ESRRB: variants seen among roughly 807,000 people sequenced by gnomAD.
ESRRB encodes the protein steroid hormone receptor ERR2.
Under a neutral mutation model 46.0 loss-of-function variants are expected in ESRRB, and 16 were observed. The observed-to-expected ratio is 0.35, with a 90% confidence interval of 0.24 to 0.53. The LOEUF (loss-of-function observed/expected upper bound fraction) is 0.53, where lower values mean the gene tolerates loss of function less well. Ranked by LOEUF, ESRRB falls within the 20% of genes least tolerant of loss-of-function variation. ESRRB has a pLI of 0.93. For missense variants in ESRRB, 488 were observed against 607.4 expected (o/e 0.80, Z 2.07); for synonymous variants, 246 against 259.6 (o/e 0.95, Z 0.50).
intron 1 of ESRRB, among the ~76,000 whole-genome samples, chr14:76,317,357 T>TGTGTGTG (rs1883814404): frequency 1.4e-5 from 2 of 146,892 alleles, no homozygotes; most frequent in African/African-American, 2.5e-5. Context: ...TGTGTGTGTG[T>TGTGTGTG]TTTAGGGTTT....
chr14:76,338,531 G>C (rs1254150815), intron 1 of ESRRB, among the ~76,000 whole-genome samples: 1 of 152,228 alleles, frequency 6.6e-6, no homozygotes, highest in Non-Finnish European at 1.5e-5. Flanking sequence ...GCCTGTCCCT[G>C]GCAAAGCTGG....
Position 76,482,280 on chromosome 14 carries a change from C to A in ESRRB, c.688+154C>A, listed in dbSNP as rs931916472. ...AGTGCCTGGCACATTTAGAATGTGG[C>A]TCCAAATGAAGCATGGTCCTGACAA... On this transcript the variant is annotated intron_variant, in intron 4 of 6. Transcript: ENST00000644823. This position sits in a 1 kb window ranked among gnomAD's most constrained non-coding sequence, Gnocchi z 4.3. 2.6e-5 allele frequency among the ~76,000 whole-genome samples: 4 copies of A among 152,186 alleles called. No individual in the cohort carries two copies. The highest frequency in any genetic ancestry group is 5.9e-5 in the Non-Finnish European group (4 of 68,038).
intron 6 of ESRRB, among the ~76,000 whole-genome samples, chr14:76,494,532 C>T (rs1890350056): frequency 6.6e-6 from 1 of 152,142 alleles, no homozygotes; most frequent in Admixed American, 6.6e-5. Context: ...GTCTCAAACT[C>T]CCGACCTCAG....
chr14:76,500,965 G>C lies in ESRRB; in HGVS notation c.*2507G>C, dbSNP rs1489031552. ...TTCCTGGTACTGAAGGGGTCCATTG[G>C]ACACTCAGAAAAGAAGTTCAGGGGC... On this transcript the variant is annotated 3_prime_UTR_variant, in exon 7 of 7. Transcript: ENST00000644823. 2 of 571,292 alleles carry C rather than the reference G, an allele frequency of 3.5e-6. No individual in the cohort carries two copies. The highest frequency in any genetic ancestry group is 3.0e-5 in the Admixed American group (1 of 33,870). 35.4% of individuals were successfully genotyped at this position (571,292 alleles called of 1,614,324 possible).
intron 1 of ESRRB, among the ~76,000 whole-genome samples, chr14:76,358,383 G>A (rs377562348): frequency 3.3e-5 from 2 of 60,868 alleles, no homozygotes; most frequent in South Asian, 4.7e-4. Flanking sequence ...AAGAAAGAAA[G>A]AAAGAAAGAA....
At chr14:76,391,416 G>A (rs1284685139) in intron 1 of ESRRB, among the ~76,000 whole-genome samples, 1 of 152,196 alleles carries the variant, frequency 6.6e-6, no homozygotes, top group Non-Finnish European at 1.5e-5. Context: ...TTTTCCGATG[G>A]CAAGTGCACT....
At chr14:76,330,290 C>G (rs1013037608) in intron 1 of ESRRB, among the ~76,000 whole-genome samples, 83 of 152,278 alleles carry the variant, frequency 5.5e-4, no homozygotes, top group African/African-American at 2.0e-3. Flanking sequence ...CTGCTGTCTT[C>G]CCAGGACCAA....
At chr14:76,371,154 G>T (rs1884616370), upstream of ESRRB, among the ~76,000 whole-genome samples, 1 of 152,198 alleles carries the variant, frequency 6.6e-6, no homozygotes, top group Non-Finnish European at 1.5e-5. Context: ...TTCAGGAAAA[G>T]CCATCATGTT....
chr14:76,326,864 G>A (rs1332222287), intron 1 of ESRRB, among the ~76,000 whole-genome samples: 1 of 152,252 alleles, frequency 6.6e-6, no homozygotes, highest in Non-Finnish European at 1.5e-5. Flanking sequence ...GACTTCATAT[G>A]TTTAGATCCC....
At chr14:76,392,997 C>T (rs1221223824) in intron 1 of ESRRB, among the ~76,000 whole-genome samples, 1 of 152,216 alleles carries the variant, frequency 6.6e-6, no homozygotes, top group Non-Finnish European at 1.5e-5. Context: ...TCTGTGCGGG[C>T]ATGTGGGGCA....
intron 1 of ESRRB, among the ~76,000 whole-genome samples, chr14:76,426,192 C>T (rs1357834949): frequency 6.6e-6 from 1 of 152,174 alleles, no homozygotes; most frequent in Non-Finnish European, 1.5e-5. Context: ...TGCTATCCCC[C>T]AGGGTCTTGG....
intron 1 of ESRRB, among the ~76,000 whole-genome samples, chr14:76,400,705 G>T (rs752753172): frequency 1.3e-5 from 2 of 152,182 alleles, no homozygotes; most frequent in African/African-American, 2.4e-5. Context: ...CTGTCCTCAA[G>T]CTGGGCCTTA....
intron 1 of ESRRB, among the ~76,000 whole-genome samples, chr14:76,321,899 A>AAAAT (rs1555388819): frequency 9.2e-5 from 14 of 151,502 alleles, no homozygotes; most frequent in Non-Finnish European, 1.8e-4. Context: ...AAAAAAAAAA[A>AAAAT]ATATATTCTT....
At chr14:76,359,397 AC>A (rs1270500004) in intron 1 of ESRRB, among the ~76,000 whole-genome samples, 1 of 152,318 alleles carries the variant, frequency 6.6e-6, no homozygotes, top group East Asian at 1.9e-4. Context: ...GGGTGAAAAA[AC>A]AATAAATAAC....
chr14:76,422,036 A>G (rs974191311), intron 1 of ESRRB, among the ~76,000 whole-genome samples: 2 of 152,014 alleles, frequency 1.3e-5, no homozygotes, highest in African/African-American at 4.8e-5. Context: ...CCCCGTCTGG[A>G]GAAGCTAGTG....
intron 3 of ESRRB, 64 bp from the exon 4 acceptor site, chr14:76,481,952 T>C (rs1889821471): frequency 6.7e-7 from 1 of 1,485,912 alleles, no homozygotes; most frequent in African/African-American, 1.4e-5. Context: ...AATTCCAAAG[T>C]CAGTGCTTCT....
At chr14:76,438,918 A>T (rs1887787045) in intron 1 of ESRRB, among the ~76,000 whole-genome samples, 1 of 151,778 alleles carries the variant, frequency 6.6e-6, no homozygotes, top group African/African-American at 2.4e-5. Context: ...CTCCCTCCTC[A>T]GCTCCTGAGT....
At chr14:76,388,971 G>A (rs1885357060) in intron 1 of ESRRB, among the ~76,000 whole-genome samples, 1 of 152,120 alleles carries the variant, frequency 6.6e-6, no homozygotes, top group African/African-American at 2.4e-5. Context: ...AGCAGCACGT[G>A]CAAAATCAAA....
chr14:76,491,721 GGGC>G lies in ESRRB; in HGVS notation c.1120+14_1120+16del. The G allele has an allele frequency of 6.4e-7, 1 of 1,569,046 alleles. No individual in the cohort carries two copies. The highest frequency in any genetic ancestry group is 8.6e-7 in the Non-Finnish European group (1 of 1,157,806). On this transcript the variant is annotated splice_donor_region_variant and intron_variant, in intron 6 of 6. Coordinates refer to ENST00000644823, the MANE Select transcript of ESRRB (RefSeq NM_001379180.1). The stretch of plus-strand genomic sequence containing the variant: ...CCCTGGCCCTCGCCAACTCCGGTAA[GGGC>G]GGCGGCGGGGCCTGGAAGGGGAGCT...
Sources: gnomAD v4.1 joint callset for allele counts (sites outside exome capture counted in the v4.1 genomes callset) on GRCh38, gnomAD v4.1.1 for gene constraint, Gnocchi (gnomAD v3.1) non-coding constraint, MANE v1.5 for transcripts, NCBI Gene and HGNC (gene_info 2026-07-23, HGNC 2026-07-21) for gene names.